Variants in ATF6 observed in about 807,000 individuals in gnomAD.
The protein encoded by ATF6 is activating transcription factor 6.
A neutral mutation model predicts 83.6 loss-of-function variants in ATF6; 53 were observed. The observed-to-expected ratio is 0.63, with a 90% confidence interval of 0.51 to 0.80. The LOEUF (loss-of-function observed/expected upper bound fraction) is 0.80, where lower values mean the gene tolerates loss of function less well. Ranked by LOEUF, ATF6 falls within the 30% of genes least tolerant of loss-of-function variation. The pLI is 0.00. For synonymous variants in ATF6, 288 were observed against 285.8 expected (o/e 1.01, Z -0.08); for missense variants, 744 against 797.9 (o/e 0.93, Z 0.81).
intron 14 of ATF6, among the ~76,000 whole-genome samples, chr1:161,889,326 A>T (rs1029921880): frequency 6.6e-6 from 1 of 152,148 alleles, no homozygotes; most frequent in Admixed American, 6.5e-5. Context: ...CCAGTTTTCC[A>T]TGGGGTCCAC....
At chr1:161,777,882 C>T (rs1389794544) in intron 1 of ATF6, among the ~76,000 whole-genome samples, 1 of 152,148 alleles carries the variant, frequency 6.6e-6, no homozygotes, top group Non-Finnish European at 1.5e-5. Flanking sequence ...GTCTACTTTC[C>T]ACAGTTGTCT....
chr1:161,846,410 T>C (rs777634649), intron 9 of ATF6, 39 bp from the exon 10 acceptor site: 28 of 1,582,682 alleles, frequency 1.8e-5, no homozygotes, highest in East Asian at 4.6e-5. Flanking sequence ...GTGTGACATA[T>C]TTTTATTTCA....
At chr1:161,900,331 C>T (rs139766153) in intron 14 of ATF6, among the ~76,000 whole-genome samples, 336 of 151,936 alleles carry the variant, frequency 2.2e-3, no homozygotes, top group African/African-American at 7.7e-3. Context: ...AATTTATGGA[C>T]GACGTGAGGA....
chr1:161,806,774 G>T (rs928079904), intron 7 of ATF6, among the ~76,000 whole-genome samples: 1 of 152,218 alleles, frequency 6.6e-6, no homozygotes, highest in African/African-American at 2.4e-5. Flanking sequence ...TAGGTGCTGG[G>T]GGGAATCCTT....
In ATF6 at chr1:161,885,030, A is replaced by G. The variant is rs567487412; in HGVS notation, c.1719+21718A>G. Among the ~76,000 whole-genome samples, 85 of 152,250 alleles carry G rather than the reference A, an allele frequency of 5.6e-4. 1 individual carries two copies. Among genetic ancestry groups the G allele is most frequent in the Non-Finnish European group, 1.2e-3 (79 of 67,990 alleles). On this transcript the variant is annotated intron_variant, in intron 14 of 15. Coordinates refer to ENST00000367942, the MANE Select transcript of ATF6 (RefSeq NM_007348.4). ...GGAATAAAATCTTTGGTTAACCACT[A>G]CTTTACTTTTAGCAGTAAAGTCTGC...
rs1686865536 is a variant in ATF6, at chr1:161,860,732, CATT to C, written c.1604+456_1604+458del. On this transcript the variant is annotated intron_variant, in intron 13 of 15. Transcript: ENST00000367942. Reference sequence around the variant, plus strand: ...TTATATATAGAAAAACTGGTCAAATCATTTATTTTTTTTGTAATTTTCAGAGTC... The same window carrying C: ...TTATATATAGAAAAACTGGTCAAATCTATTTTTTTTGTAATTTTCAGAGTC... 2.0e-5 allele frequency among the ~76,000 whole-genome samples: 3 copies of C among 151,882 alleles called. No individual in the cohort carries two copies. In the South Asian group the frequency reaches 6.2e-4, roughly 31 times the overall value.
chr1:161,800,593 G>GC (rs1457616231), intron 6 of ATF6, among the ~76,000 whole-genome samples: 1 of 152,146 alleles, frequency 6.6e-6, no homozygotes, highest in African/African-American at 2.4e-5. Context: ...GAGTAACAAG[G>GC]CAGGACAGTA....
Position 161,778,311 on chromosome 1 carries a change from T to C in ATF6, c.150T>C (p.Asn50=). The change falls in exon 2 of 16, where the codon AAT becomes AAC. Residue 50 remains asparagine, a synonymous_variant. Transcript: ENST00000367942. ...ATGAGCTGCAATTGGAAGCAGCAAA[T>C]GAGACGTATGTAAGTATTTACTAAG... is the stretch of plus-strand genomic sequence containing the variant. The part of the protein sequence containing the change: ...DTDELQLEAA[N]ETYENNFDNL... The C allele has an allele frequency of 1.9e-6, 3 of 1,612,614 alleles. No individual in the cohort carries two copies. Among genetic ancestry groups the C allele is most frequent in the South Asian group, 2.2e-5 (2 of 91,044 alleles).
intron 7 of ATF6, among the ~76,000 whole-genome samples, chr1:161,808,603 T>C (rs1232797951): frequency 6.6e-6 from 1 of 152,160 alleles, no homozygotes; most frequent in Non-Finnish European, 1.5e-5. Flanking sequence ...GACAGTCTGT[T>C]GCTCTGTTGC....
chr1:161,813,693 C>G (rs1341466049), intron 7 of ATF6, among the ~76,000 whole-genome samples: 1 of 152,186 alleles, frequency 6.6e-6, no homozygotes, highest in South Asian at 2.1e-4. Context: ...GTCTAACTCT[C>G]TCTTTTTACT....
At chr1:161,857,815 G>A (rs75959317) in intron 12 of ATF6, among the ~76,000 whole-genome samples, 21,392 of 152,008 alleles carry the variant, frequency 0.14, 2,049 homozygotes, top group East Asian at 0.31. Context: ...AAGAACACAA[G>A]GGGGGGAGGG....
intron 15 of ATF6, among the ~76,000 whole-genome samples, chr1:161,955,991 A>C (rs1688959048): frequency 6.6e-6 from 1 of 152,184 alleles, no homozygotes. Context: ...GAGTCTTGGA[A>C]TCAGATCATA....
chr1:161,841,520 A>G (rs1224275331), intron 9 of ATF6, among the ~76,000 whole-genome samples: 2 of 152,222 alleles, frequency 1.3e-5, no homozygotes, highest in Non-Finnish European at 2.9e-5. Flanking sequence ...TCTTAGCAGA[A>G]TTTATTAATA....
At chr1:161,948,620 G>A (rs372710106) in intron 15 of ATF6, among the ~76,000 whole-genome samples, 2 of 152,092 alleles carry the variant, frequency 1.3e-5, no homozygotes, top group Non-Finnish European at 2.9e-5. Flanking sequence ...GACTCAACAG[G>A]TGATTAGATT....
At chr1:161,849,804 A>C (rs1343930898) in intron 10 of ATF6, among the ~76,000 whole-genome samples, 1 of 152,200 alleles carries the variant, frequency 6.6e-6, no homozygotes, top group Admixed American at 6.5e-5. Flanking sequence ...TCACATATCC[A>C]ATAGTCTCTT....
chr1:161,894,142 A>G (rs1263782195), intron 14 of ATF6, among the ~76,000 whole-genome samples: 1 of 152,094 alleles, frequency 6.6e-6, no homozygotes, highest in Non-Finnish European at 1.5e-5. Context: ...ATGGTATCCA[A>G]TGTGAATCAT....
At chr1:161,871,638 G>GA (rs1297614391) in intron 14 of ATF6, among the ~76,000 whole-genome samples, 1 of 151,556 alleles carries the variant, frequency 6.6e-6, no homozygotes, top group Non-Finnish European at 1.5e-5. Context: ...AATATGTGAG[G>GA]AAAAAATGTA....
intron 15 of ATF6, among the ~76,000 whole-genome samples, chr1:161,917,030 G>A (rs970226857): frequency 6.6e-6 from 1 of 152,126 alleles, no homozygotes; most frequent in African/African-American, 2.4e-5. Flanking sequence ...CTCCTCTTCT[G>A]TCAGGATGGA....
chr1:161,876,186 T>C (rs1160911106), intron 14 of ATF6, among the ~76,000 whole-genome samples: 1 of 151,984 alleles, frequency 6.6e-6, no homozygotes, highest in Non-Finnish European at 1.5e-5. Flanking sequence ...TGTTGATTAC[T>C]TGGGGCTCAT....
Sources: gnomAD v4.1 joint callset for allele counts (sites outside exome capture counted in the v4.1 genomes callset) on GRCh38, gnomAD v4.1.1 for gene constraint, MANE v1.5 for transcripts, NCBI Gene and HGNC (gene_info 2026-07-23, HGNC 2026-07-21) for gene names.